BICRAL: variants seen among roughly 807,000 people sequenced by gnomAD.
BICRAL encodes BICRA like chromatin remodeling complex associated protein.
Under a neutral mutation model 91.8 loss-of-function variants are expected in BICRAL, and 8 were observed. The ratio of observed to expected loss-of-function variants is 0.09; its 90% confidence interval spans 0.05 to 0.16. The LOEUF (loss-of-function observed/expected upper bound fraction) is 0.16, where lower values mean the gene tolerates loss of function less well. Ranked by LOEUF, BICRAL falls within the 10% of genes least tolerant of loss-of-function variation. The pLI is 1.00. For missense variants in BICRAL, 1,038 were observed against 1,310.9 expected (o/e 0.79, Z 3.21); for synonymous variants, 445 against 491.1 (o/e 0.91, Z 1.24).
At chr6:42,751,861 T>C (rs1762386731) in intron 1 of BICRAL, among the ~76,000 whole-genome samples, 1 of 151,910 alleles carries the variant, frequency 6.6e-6, no homozygotes, top group Admixed American at 6.6e-5. Flanking sequence ...TTCTCCATGT[T>C]GGTCAGGCTG....
In BICRAL at chr6:42,829,985, C is replaced by G; in HGVS notation, c.1652C>G (p.Pro551Arg). ...GTCAGCTCAGCCAGCACTGCCCATC[C>G]TAGTCTTGGGTCTGCAGTTCAGTCT... Reference protein sequence around the residue: ...PAVSSASTAHPSLGSAVQSGS... With the variant: ...PAVSSASTAHRSLGSAVQSGS... Residue 551 changes from proline (P) to arginine (R), a missense_variant, in exon 6 of 13, where the codon CCT becomes CGT. By Grantham distance (103) the Pro-to-Arg change is moderately radical (BLOSUM62 -2). Transcript: ENST00000314073. 2.5e-6 allele frequency: 4 copies of G among 1,614,246 alleles called. No individual in the cohort carries two copies. The highest frequency in any genetic ancestry group is 2.5e-6 in the Non-Finnish European group (3 of 1,180,042).
chr6:42,865,362 A>G lies in BICRAL; in HGVS notation c.3156A>G (p.Glu1052=). Residue 1052 remains glutamate (E), a synonymous_variant, in exon 13 of 13, where the codon GAA becomes GAG. Transcript: ENST00000314073. The part of the protein sequence containing the change: ...SPMASQENCL[E]KFIPDHSEGV... ...TGGCTTCACAGGAAAACTGCCTGGA[A>G]AAGTTCATCCCGGACCACAGTGAAG... The G allele has an allele frequency of 6.2e-7, 1 of 1,613,862 alleles. No homozygotes were observed. Among genetic ancestry groups the G allele is most frequent in the Non-Finnish European group, 8.5e-7 (1 of 1,179,760 alleles).
In BICRAL at chr6:42,830,011, G is replaced by C. The variant is rs1562483483; in HGVS notation, c.1678G>C (p.Gly560Arg). Residue 560 changes from glycine to arginine, a missense_variant, in exon 6 of 13, where the codon GGT becomes CGT. By Grantham distance (125) the Gly-to-Arg change is moderately radical (BLOSUM62 -2). Around this residue, in one of 5 missense-constraint regions of BICRAL, gnomAD observed 532 missense variants for 724.9 expected, o/e 0.73. Coordinates refer to ENST00000314073, the MANE Select transcript of BICRAL (RefSeq NM_001393499.1). ...HPSLGSAVQS[G>R]SSGSNFTGDQ... ...TAGTCTTGGGTCTGCAGTTCAGTCT[G>C]GTTCATCAGGATCAAACTTTACAGG... The C allele has an allele frequency of 1.9e-6, 3 of 1,614,138 alleles. No homozygotes were observed. The highest frequency in any genetic ancestry group is 1.3e-5 in the African/African-American group (1 of 75,026).
At position 42,829,572 on chromosome 6, in the gene BICRAL, G is replaced by C; in HGVS notation, c.1239G>C (p.Ser413=). Residue 413 remains serine, a synonymous_variant, in exon 6 of 13, where the codon TCG becomes TCC. Transcript: ENST00000314073. ...IPTSLSVSSN[S]VHHVQTINGQ... ...CAAGCCTTTCTGTCAGTTCCAACTC[G>C]GTACACCACGTCCAGACTATAAATG... The C allele has an allele frequency of 6.2e-7, 1 of 1,614,132 alleles. No homozygotes were observed. The highest frequency in any genetic ancestry group is 1.7e-5 in the Admixed American group (1 of 60,004).
intron 2 of BICRAL, among the ~76,000 whole-genome samples, chr6:42,817,148 ATGTGTGTGTG>A (rs35347910): frequency 3.4e-5 from 5 of 148,398 alleles, no homozygotes; most frequent in Non-Finnish European, 7.5e-5. Flanking sequence ...CATCATTTAT[ATGTGTGTGTG>A]TGTGTGTGTG....
At chr6:42,855,092 C>CT (rs886632903) in intron 8 of BICRAL, among the ~76,000 whole-genome samples, 13 of 152,136 alleles carry the variant, frequency 8.5e-5, no homozygotes, top group African/African-American at 2.7e-4. Flanking sequence ...GAGATAAGGC[C>CT]TATTTGTTTC....
At chr6:42,766,190 G>T (rs1450230149) in intron 1 of BICRAL, among the ~76,000 whole-genome samples, 1 of 152,104 alleles carries the variant, frequency 6.6e-6, no homozygotes, top group Non-Finnish European at 1.5e-5. Flanking sequence ...ACTTTGTAAA[G>T]TTCTCTGATA....
rs2113959649 is a variant in BICRAL, at chr6:42,829,808, C to T, written c.1475C>T (p.Pro492Leu). 6.2e-7 allele frequency: 1 copy of T among 1,614,240 alleles called. No homozygotes were observed. The stretch of plus-strand genomic sequence containing the variant: ...CCAGTGATAGCCAATCATGCCTCTC[C>T]TCAGCTTGTGGGTGGACAGATGCCC... ...GSPVIANHAS[P>L]QLVGGQMPLQ... is the part of the protein sequence containing the mutation. The change falls in exon 6 of 13, where the codon CCT becomes CTT. Residue 492 changes from proline to leucine, a missense_variant. Around this residue, in one of 5 missense-constraint regions of BICRAL, gnomAD observed 532 missense variants for 724.9 expected, o/e 0.73. Transcript: ENST00000314073.
At chr6:42,819,247 C>A (rs1764074534) in intron 2 of BICRAL, among the ~76,000 whole-genome samples, 1 of 152,030 alleles carries the variant, frequency 6.6e-6, no homozygotes, top group African/African-American at 2.4e-5. Context: ...AGTGACTGAT[C>A]TTCAGATTAT....
intron 1 of BICRAL, among the ~76,000 whole-genome samples, chr6:42,757,171 G>A (rs1337920617): frequency 6.6e-6 from 1 of 152,022 alleles, no homozygotes; most frequent in Non-Finnish European, 1.5e-5. Context: ...TGGAGCAAGA[G>A]TCACTTAGAG....
chr6:42,779,745 G>C (rs558928511), upstream of BICRAL, among the ~76,000 whole-genome samples: 244 of 152,140 alleles, frequency 1.6e-3, 1 homozygote, highest in African/African-American at 5.5e-3. Context: ...CAGCCTCTCT[G>C]TAGTAGCTGG....
At chr6:42,801,205 C>A (rs569429216) in intron 1 of BICRAL, among the ~76,000 whole-genome samples, 89 of 142,824 alleles carry the variant, frequency 6.2e-4, no homozygotes, top group African/African-American at 2.2e-3. Context: ...GAGCCGAGAT[C>A]AAGCCACTGC....
At chr6:42,800,738 G>A (rs1296299409) in intron 1 of BICRAL, among the ~76,000 whole-genome samples, 1 of 152,026 alleles carries the variant, frequency 6.6e-6, no homozygotes, top group Non-Finnish European at 1.5e-5. Flanking sequence ...TTCTATTTGA[G>A]TCTGTCTTTA....
intron 11 of BICRAL, among the ~76,000 whole-genome samples, 190 bp downstream of exon 11, chr6:42,860,546 G>T (rs1024784260): frequency 6.6e-6 from 1 of 152,230 alleles, no homozygotes; most frequent in Non-Finnish European, 1.5e-5. Flanking sequence ...TACTTGGTGG[G>T]TCAGTACTAT....
chr6:42,818,103 A>G (rs1290523278), intron 2 of BICRAL, among the ~76,000 whole-genome samples: 1 of 152,078 alleles, frequency 6.6e-6, no homozygotes, highest in Non-Finnish European at 1.5e-5. Context: ...TAGAGGTTAT[A>G]TGAGTCTGTA....
chr6:42,763,387 A>G (rs1762583872), intron 1 of BICRAL, among the ~76,000 whole-genome samples: 1 of 152,238 alleles, frequency 6.6e-6, no homozygotes, highest in Admixed American at 6.5e-5. Flanking sequence ...CTGAGTTCAA[A>G]TACTTTTAAA....
At chr6:42,810,072 C>T (rs1763812261) in intron 1 of BICRAL, among the ~76,000 whole-genome samples, 1 of 152,180 alleles carries the variant, frequency 6.6e-6, no homozygotes, top group African/African-American at 2.4e-5. Flanking sequence ...CAGGCGTGAG[C>T]CACTATGCCC....
chr6:42,783,289 G>A (rs1762989238), intron 1 of BICRAL, among the ~76,000 whole-genome samples: 1 of 152,028 alleles, frequency 6.6e-6, no homozygotes, highest in African/African-American at 2.4e-5. Flanking sequence ...GGCCCAGCCG[G>A]GCGTCTCCTG....
chr6:42,864,663 T>C lies in BICRAL; in HGVS notation c.2457T>C (p.Gly819=), dbSNP rs535369962. 1 of 1,612,530 alleles carries C rather than the reference T, an allele frequency of 6.2e-7. No individual in the cohort carries two copies. Among genetic ancestry groups the C allele is most frequent in the East Asian group, 2.2e-5 (1 of 44,858 alleles). The change falls in exon 13 of 13, where the codon GGT becomes GGC. Residue 819 remains glycine (G), a synonymous_variant. Transcript: ENST00000314073. The part of the protein sequence containing the change: ...DKRLALVDPE[G]FQADFCCSFK... ...TCTTTTTGTTCCCATTTCCAGAGGG[T>C]TTTCAGGCTGATTTCTGTTGTTCCT...
Sources: allele counts gnomAD v4.1 joint callset (sites outside exome capture counted in the v4.1 genomes callset), GRCh38; gene constraint gnomAD v4.1.1; regional missense constraint gnomAD v4.1.1; transcripts MANE v1.5; gene names NCBI Gene and HGNC (gene_info 2026-07-23, HGNC 2026-07-21).